APC: variants seen among roughly 807,000 people sequenced by gnomAD.
The protein encoded by APC is adenomatous polyposis coli protein.
APC carries 72 observed loss-of-function variants against 247.0 expected under a neutral mutation model. The ratio of observed to expected loss-of-function variants is 0.29; its 90% CI spans 0.24 to 0.35. APC has a LOEUF of 0.35. Ranked by LOEUF, APC falls within the 10% of genes least tolerant of loss-of-function variation. The probability of loss-of-function intolerance (pLI) is 1.00; values close to 1 mark genes in which losing one functional copy is unlikely to be tolerated. For missense variants in APC, 3,400 were observed against 3,360.7 expected (o/e 1.01, Z -0.29); for synonymous variants, 1,254 against 1,162.5 (o/e 1.08, Z -1.60).
chr5:112,747,111 G>A (rs963982448), intron 1 of APC, among the ~76,000 whole-genome samples: 2 of 152,164 alleles, frequency 1.3e-5, no homozygotes, highest in African/African-American at 2.4e-5. Flanking sequence ...TTACAGGCAT[G>A]AGCCACCACA....
intron 7 of APC, among the ~76,000 whole-genome samples, chr5:112,800,910 G>T (rs1034993958): frequency 1.3e-5 from 2 of 152,212 alleles, no homozygotes; most frequent in African/African-American, 4.8e-5. Flanking sequence ...TTTAACTGTT[G>T]TATTTGCAGC....
intron 14 of APC, among the ~76,000 whole-genome samples, chr5:112,833,180 A>ATTTT (rs35482005): frequency 2.5e-5 from 3 of 122,226 alleles, no homozygotes; most frequent in African/African-American, 6.1e-5. Flanking sequence ...TGCCTGGCTA[A>ATTTT]TTTTTTTTTT....
rs2149630381 is a variant in APC at position 112,707,711 on chromosome 5, G to A, written c.-7G>A. On this transcript the variant is annotated 5_prime_UTR_variant, in exon 1 of 14. Transcript: ENST00000507379. ...CTCAGTTGCCTTCTCGGGCCTCGGC[G>A]CCCCCTATGTACGCCTCCCTGGGCT... 7.3e-7 allele frequency: 1 copy of A among 1,370,504 alleles called. No individual in the cohort carries two copies. The highest frequency in any genetic ancestry group is 9.6e-7 in the Non-Finnish European group (1 of 1,038,740). 84.9% of individuals were successfully genotyped at this position (1,370,504 alleles called of 1,614,324 possible).
At chr5:112,718,760 A>G (rs74890534) in intron 1 of APC, among the ~76,000 whole-genome samples, 1,618 of 152,358 alleles carry the variant, frequency 0.011, 30 homozygotes, top group African/African-American at 0.037. Context: ...TTGTAAGGAT[A>G]CTTGGTCTGA....
chr5:112,825,410 T>G (rs927851317), intron 11 of APC, among the ~76,000 whole-genome samples: 13 of 152,232 alleles, frequency 8.5e-5, no homozygotes, highest in African/African-American at 2.9e-4. Flanking sequence ...ACATAAAGTC[T>G]TATGTGATCC....
chr5:112,795,957 G>A (rs1487663154), intron 7 of APC, among the ~76,000 whole-genome samples: 1 of 152,132 alleles, frequency 6.6e-6, no homozygotes, highest in Non-Finnish European at 1.5e-5. Context: ...CTATTGAGAG[G>A]ATTCCAGGAG....
chr5:112,799,642 G>A (rs1372109196), intron 7 of APC, among the ~76,000 whole-genome samples: 2 of 151,976 alleles, frequency 1.3e-5, no homozygotes, highest in African/African-American at 2.4e-5. Context: ...AATTATGTGG[G>A]GGCAATCATG....
chr5:112,783,126 C>T (rs2149650741), intron 6 of APC, among the ~76,000 whole-genome samples: 1 of 152,046 alleles, frequency 6.6e-6, no homozygotes, highest in South Asian at 2.1e-4. Context: ...CCTAAAAGAA[C>T]AAGATGTGAT....
At position 112,839,305 on chromosome 5, in the gene APC, G is replaced by A. The variant is rs756939805; in HGVS notation, c.3711G>A (p.Gln1237=). 1.2e-5 allele frequency: 19 copies of A among 1,614,044 alleles called. No homozygotes were observed. In the South Asian group the frequency reaches 2.0e-4, roughly 17 times the overall value. The change falls in exon 16 of 16, where the codon CAG becomes CAA. Residue 1237 remains glutamine, a synonymous_variant. Coordinates refer to ENST00000257430, the MANE Select transcript of APC (RefSeq NM_000038.6). The surrounding 1 kb of genome is among the most constrained non-coding windows in gnomAD (Gnocchi z 5.0). ...RQNQLHPSSA[Q]SRSGQPQKAA... ...ATCAGCTCCATCCAAGTTCTGCACA[G>A]AGTAGAAGTGGTCAGCCTCAAAAGG...
At chr5:112,738,537 C>T (rs1346219285) in intron 1 of APC, 1 of 969,852 alleles carries the variant, frequency 1.0e-6, no homozygotes, top group Non-Finnish European at 1.2e-6. Flanking sequence ...TGTAAAACAT[C>T]TAAGTAAACT....
At chr5:112,771,311 A>T (rs1283463323) in intron 4 of APC, among the ~76,000 whole-genome samples, 3 of 152,170 alleles carry the variant, frequency 2.0e-5, no homozygotes, top group Admixed American at 2.0e-4. Flanking sequence ...GTTTCATTTT[A>T]TTCATAAATA....
intron 7 of APC, among the ~76,000 whole-genome samples, chr5:112,794,270 G>A (rs1040868246): frequency 1.3e-5 from 2 of 152,070 alleles, no homozygotes; most frequent in African/African-American, 2.4e-5. Context: ...TTGTAGAGAC[G>A]AGGTTTTGCC....
At chr5:112,783,357 A>G (rs529063612) in intron 6 of APC, among the ~76,000 whole-genome samples, 21 of 152,288 alleles carry the variant, frequency 1.4e-4, no homozygotes, top group Non-Finnish European at 3.1e-4. Context: ...ATACGTGTTC[A>G]TTTATTCTGG....
intron 1 of APC, among the ~76,000 whole-genome samples, chr5:112,746,027 T>G (rs1014623202): frequency 6.6e-6 from 1 of 152,230 alleles, no homozygotes; most frequent in Non-Finnish European, 1.5e-5. Flanking sequence ...CTAAAAAGTT[T>G]AAAGGAATAA....
chr5:112,804,570 G>A (rs940508972), intron 8 of APC, among the ~76,000 whole-genome samples: 1 of 152,162 alleles, frequency 6.6e-6, no homozygotes, highest in Non-Finnish European at 1.5e-5. Context: ...AGTAGATACA[G>A]GGTCTCATTG....
chr5:112,811,717 ACCT>A (rs1251281114), intron 8 of APC, among the ~76,000 whole-genome samples: 4 of 151,384 alleles, frequency 2.6e-5, no homozygotes, highest in Middle Eastern at 3.4e-3. Flanking sequence ...TCATAATTAA[ACCT>A]CCTGTTTTCT....
Position 112,839,574 on chromosome 5 carries a change from C to T in APC, c.3980C>T (p.Ser1327Leu), listed in dbSNP as rs1554085429. ...EDPVSEVPAV[S>L]QHPRTKSSRL... The stretch of plus-strand genomic sequence containing the variant: ...CCTGTGAGCGAAGTTCCAGCAGTGT[C>T]ACAGCACCCTAGAACCAAATCCAGC... Residue 1327 changes from serine (S) to leucine (L), a missense_variant, in exon 16 of 16, where the codon TCA becomes TTA. Physicochemically the swap from Ser to Leu is moderately radical, Grantham distance 145. Coordinates refer to ENST00000257430, the MANE Select transcript of APC (RefSeq NM_000038.6). The surrounding 1 kb of genome is among the most constrained non-coding windows in gnomAD (Gnocchi z 5.0). 6.2e-7 allele frequency: 1 copy of T among 1,614,166 alleles called. No homozygotes were observed. Among genetic ancestry groups the T allele is most frequent in the Non-Finnish European group, 8.5e-7 (1 of 1,180,008 alleles).
chr5:112,717,259 G>A (rs1410174387), intron 1 of APC, among the ~76,000 whole-genome samples: 2 of 152,088 alleles, frequency 1.3e-5, no homozygotes, highest in Admixed American at 1.3e-4. Flanking sequence ...AGAATGCTGG[G>A]ATTACAGGTA....
chr5:112,711,507 A>G (rs1750847372), intron 1 of APC, among the ~76,000 whole-genome samples: 2 of 152,220 alleles, frequency 1.3e-5, no homozygotes, highest in Non-Finnish European at 1.5e-5. Flanking sequence ...TGTATTTCTC[A>G]GGAAGTTTCT....
Sources: allele counts gnomAD v4.1 joint callset (sites outside exome capture counted in the v4.1 genomes callset), GRCh38; gene constraint gnomAD v4.1.1; non-coding constraint Gnocchi (gnomAD v3.1); transcripts MANE v1.5; gene names NCBI Gene and HGNC (gene_info 2026-07-23, HGNC 2026-07-21).